TCF4: variants seen among roughly 807,000 people sequenced by gnomAD.
TCF4 encodes the protein SL3-3 enhancer factor 2.
In TCF4, 3 loss-of-function variants were observed where a neutral mutation model predicts 82.1. The observed-to-expected ratio is 0.04, with a 90% confidence interval of 0.02 to 0.09. The LOEUF (loss-of-function observed/expected upper bound fraction) is 0.09, where lower values mean the gene tolerates loss of function less well. TCF4 is among the 10% of genes least tolerant of loss of function. The pLI is 1.00. For missense variants in TCF4, 518 were observed against 852.7 expected, an observed-to-expected ratio of 0.61 and a Z score of 4.89; for synonymous variants, 276 against 309.6, an observed-to-expected ratio of 0.89 and a Z score of 1.14.
chr18:55,553,533 A>C (rs547334538), intron 3 of TCF4: 2 of 152,256 alleles, frequency 1.3e-5, no homozygotes, highest in South Asian at 4.1e-4. Context: ...ATGCAAATAA[A>C]TTTCAAGCTT....
At chr18:55,228,823 G>C (rs1278499828) in intron 18 of TCF4, 24 bp downstream of exon 18, 1 of 1,612,958 alleles carries the variant, frequency 6.2e-7, no homozygotes. Context: ...CACGAGCTCT[G>C]CAAGGAGGCT....
At chr18:55,320,123 C>A (rs2075128786) in intron 8 of TCF4, among the ~76,000 whole-genome samples, 1 of 151,210 alleles carries the variant, frequency 6.6e-6, no homozygotes, top group South Asian at 2.1e-4. Flanking sequence ...ATGAGAACAT[C>A]TAAAAGATAA....
Position 55,254,392 on chromosome 18 carries a change from A to G in TCF4, c.1350+105T>C, listed in dbSNP as rs1343551213. 5 of 1,082,610 alleles carry G rather than the reference A, an allele frequency of 4.6e-6. No homozygotes were observed. The East Asian group carries it at 1.0e-4, about 22-fold the overall frequency. 67.1% of individuals were successfully genotyped at this position (1,082,610 alleles called of 1,614,324 possible). A position where few individuals can be genotyped will look rare whatever the true frequency, so the allele number is the denominator to read the frequency against. On this transcript the variant is annotated intron_variant, in intron 15 of 19. Transcript: ENST00000354452. ...GGGCTCATCGTATGTTAAGTGAATT[A>G]TATCTCAATAAAGCTGATTTTTTAA...
At chr18:55,415,412 AAAAG>A (rs374203599) in intron 5 of TCF4, among the ~76,000 whole-genome samples, 114 of 152,314 alleles carry the variant, frequency 7.5e-4, no homozygotes, top group Middle Eastern at 3.4e-3. Flanking sequence ...CTTGAAAAGT[AAAAG>A]AAAGAAAGAA....
chr18:55,395,056 G>A (rs546687008), intron 6 of TCF4, among the ~76,000 whole-genome samples: 1 of 152,076 alleles, frequency 6.6e-6, no homozygotes, highest in Non-Finnish European at 1.5e-5. Context: ...CAGTTTTAAA[G>A]AGTTTCAGTA....
At chr18:55,267,569 G>C (rs2059468345) in intron 11 of TCF4, 1 of 152,048 alleles carries the variant, frequency 6.6e-6, no homozygotes, top group African/African-American at 2.4e-5. Context: ...CGCAATTGGT[G>C]AACATATTAT....
intron 2 of TCF4, among the ~76,000 whole-genome samples, chr18:55,618,119 C>A (rs546674030): frequency 1.0e-3 from 159 of 152,102 alleles, no homozygotes; most frequent in African/African-American, 3.6e-3. Flanking sequence ...GTGGCAAATT[C>A]CTTCTATACT....
At chr18:55,624,276 C>T (rs974643223) in intron 2 of TCF4, among the ~76,000 whole-genome samples, 32 of 151,650 alleles carry the variant, frequency 2.1e-4, no homozygotes, top group African/African-American at 7.5e-4. Flanking sequence ...GAAGAGACCT[C>T]CACGAAGAAT....
chr18:55,502,896 G>A (rs1187704567), intron 3 of TCF4, among the ~76,000 whole-genome samples: 1 of 152,076 alleles, frequency 6.6e-6, no homozygotes, highest in Non-Finnish European at 1.5e-5. Flanking sequence ...CTTAATCGAC[G>A]ACTTAAAGTA....
chr18:55,622,045 TATATA>T (rs2097721530), intron 2 of TCF4, among the ~76,000 whole-genome samples: 1 of 136,762 alleles, frequency 7.3e-6, no homozygotes, highest in Non-Finnish European at 1.5e-5. Context: ...ATATACACTA[TATATA>T]ATATATATAC....
At chr18:55,317,027 A>G (rs1034738632) in intron 8 of TCF4, among the ~76,000 whole-genome samples, 1 of 152,096 alleles carries the variant, frequency 6.6e-6, no homozygotes. Flanking sequence ...AAATTTAATC[A>G]GAGGCAGGAA....
rs1206625448 is a variant in TCF4 at position 55,253,605 on chromosome 18, A to C, written c.1350+892T>G. ...TAATGAGGAAAAAAATCACAATTGT[A>C]ATATGGACAAATCTGCTTAAATATA... is the stretch of plus-strand genomic sequence containing the variant. On this transcript the variant is annotated intron_variant, in intron 15 of 19. Transcript: ENST00000354452. 2.0e-5 allele frequency among the ~76,000 whole-genome samples: 3 copies of C among 152,206 alleles called. No homozygotes were observed. In the East Asian group the frequency reaches 5.8e-4, roughly 29 times the overall value.
chr18:55,351,555 C>T (rs924578757), intron 6 of TCF4, among the ~76,000 whole-genome samples: 1 of 152,048 alleles, frequency 6.6e-6, no homozygotes, highest in Non-Finnish European at 1.5e-5. Context: ...AATCCTCACA[C>T]TAACTCTCAA....
At chr18:55,411,509 G>T (rs2094343767) in intron 5 of TCF4, among the ~76,000 whole-genome samples, 1 of 152,092 alleles carries the variant, frequency 6.6e-6, no homozygotes, top group African/African-American at 2.4e-5. Flanking sequence ...CATGCTAAAG[G>T]TGTCAAAAGC....
intron 8 of TCF4, among the ~76,000 whole-genome samples, chr18:55,316,687 T>A (rs1400093555): frequency 6.6e-6 from 1 of 152,040 alleles, no homozygotes; most frequent in Non-Finnish European, 1.5e-5. Context: ...AGGAAACAAA[T>A]GATTCTTCAG....
At chr18:55,571,874 C>CA (rs57217543) in intron 3 of TCF4, among the ~76,000 whole-genome samples, 58,214 of 122,318 alleles carry the variant, frequency 0.48, 11,855 homozygotes, top group Middle Eastern at 0.63. Flanking sequence ...ATTTTCTTTT[C>CA]AAAAAAAAAA....
chr18:55,248,898 C>G (rs989640985), intron 15 of TCF4, among the ~76,000 whole-genome samples: 1 of 152,192 alleles, frequency 6.6e-6, no homozygotes, highest in Non-Finnish European at 1.5e-5. Context: ...GTGTGCACCA[C>G]CATGCCCGGC....
intron 3 of TCF4, among the ~76,000 whole-genome samples, chr18:55,519,309 C>T (rs1295812375): frequency 6.6e-6 from 1 of 152,020 alleles, no homozygotes; most frequent in Non-Finnish European, 1.5e-5. Context: ...TGGCCCACAC[C>T]TGTATTCCCA....
chr18:55,612,343 A>G (rs980480103), intron 2 of TCF4, among the ~76,000 whole-genome samples: 3 of 152,084 alleles, frequency 2.0e-5, no homozygotes, highest in Admixed American at 6.5e-5. Flanking sequence ...TTGAGGACCA[A>G]CGTAATGAAG....
Sources: gnomAD v4.1 joint callset for allele counts (sites outside exome capture counted in the v4.1 genomes callset) on GRCh38, gnomAD v4.1.1 for gene constraint, MANE v1.5 for transcripts, NCBI Gene and HGNC (gene_info 2026-07-23, HGNC 2026-07-21) for gene names.